The following L3MBTL4 variants were observed in gnomAD, a reference collection of about 807,000 sequenced individuals.
The protein encoded by L3MBTL4 is L3MBTL histone methyl-lysine binding protein 4.
L3MBTL4 carries 70 observed loss-of-function variants against 84.5 expected under a neutral mutation model. The observed-to-expected ratio is 0.83, with a 90% confidence interval of 0.68 to 1.01. The LOEUF (loss-of-function observed/expected upper bound fraction) is 1.01, where lower values mean the gene tolerates loss of function less well. Ranked by LOEUF, L3MBTL4 falls within the 50% of genes least tolerant of loss-of-function variation. The pLI is 0.00. For synonymous variants in L3MBTL4, 274 were observed against 259.8 expected, an observed-to-expected ratio of 1.05 and a Z score of -0.52; for missense variants, 715 against 754.8, an observed-to-expected ratio of 0.95 and a Z score of 0.62.
At chr18:6,310,553 A>G (rs766465642) in intron 3 of L3MBTL4, among the ~76,000 whole-genome samples, 13 of 152,238 alleles carry the variant, frequency 8.5e-5, no homozygotes, top group Non-Finnish European at 1.0e-4. Flanking sequence ...AAGAAAATGT[A>G]TTACATGATG....
intron 4 of L3MBTL4, among the ~76,000 whole-genome samples, chr18:6,295,511 T>G (rs1413273670): frequency 6.6e-6 from 1 of 151,926 alleles, no homozygotes; most frequent in Admixed American, 6.6e-5. Context: ...CAGCACGAAT[T>G]CACCCAAAAG....
chr18:6,305,387 T>A (rs915494384), intron 3 of L3MBTL4, among the ~76,000 whole-genome samples: 2 of 152,242 alleles, frequency 1.3e-5, no homozygotes, highest in African/African-American at 2.4e-5. Context: ...CCTGCTAGCT[T>A]TAACATTCTT....
intron 11 of L3MBTL4, among the ~76,000 whole-genome samples, chr18:6,214,324 T>A (rs1168757218): frequency 6.6e-6 from 1 of 152,016 alleles, no homozygotes; most frequent in East Asian, 1.9e-4. Context: ...GGATTCATAA[T>A]CACGGAGTAA....
chr18:6,381,395 G>A (rs1568581162), intron 1 of L3MBTL4, among the ~76,000 whole-genome samples: 1 of 152,078 alleles, frequency 6.6e-6, no homozygotes, highest in East Asian at 1.9e-4. Context: ...TGGTTATTTT[G>A]CCCATTAGTT....
chr18:6,098,155 C>T (rs1326446134), intron 14 of L3MBTL4, among the ~76,000 whole-genome samples: 1 of 152,184 alleles, frequency 6.6e-6, no homozygotes, highest in African/African-American at 2.4e-5. Context: ...ACTTGATTCC[C>T]ACTTCTCTCT....
At chr18:6,267,169 A>C (rs1364086651) in intron 4 of L3MBTL4, among the ~76,000 whole-genome samples, 1 of 152,192 alleles carries the variant, frequency 6.6e-6, no homozygotes, top group Non-Finnish European at 1.5e-5. Flanking sequence ...ACATCATATC[A>C]ATTTATAGCT....
chr18:6,213,812 T>A (rs2145805673), intron 11 of L3MBTL4, among the ~76,000 whole-genome samples: 1 of 152,336 alleles, frequency 6.6e-6, no homozygotes, highest in Non-Finnish European at 1.5e-5. Context: ...ATTTTAAAGA[T>A]AACTAAAAAG....
intron 1 of L3MBTL4, among the ~76,000 whole-genome samples, chr18:6,315,011 G>A: frequency 6.6e-6 from 1 of 152,080 alleles, no homozygotes; most frequent in Admixed American, 6.6e-5. Context: ...AAATATCCCA[G>A]TTTAAACAAT....
At chr18:6,252,438 C>T (rs113857494) in intron 5 of L3MBTL4, among the ~76,000 whole-genome samples, 4,304 of 151,020 alleles carry the variant, frequency 0.028, 179 homozygotes, top group African/African-American at 0.093. Flanking sequence ...AAAAACACAG[C>T]TATTTACATA....
intron 18 of L3MBTL4, among the ~76,000 whole-genome samples, chr18:5,959,643 C>T (rs995368840): frequency 6.6e-6 from 1 of 152,124 alleles, no homozygotes; most frequent in Non-Finnish European, 1.5e-5. Flanking sequence ...GTAGACAAAT[C>T]CCCAATCTTT....
chr18:6,205,147 A>G (rs1374408566), intron 12 of L3MBTL4, among the ~76,000 whole-genome samples: 1 of 152,178 alleles, frequency 6.6e-6, no homozygotes, highest in African/African-American at 2.4e-5. Context: ...AGCGAGCTCA[A>G]AGAAATTACT....
chr18:6,091,822 T>C (rs16949399), intron 15 of L3MBTL4, among the ~76,000 whole-genome samples: 7,107 of 152,280 alleles, frequency 0.047, 203 homozygotes, highest in South Asian at 0.1. Context: ...ACTAGGTTTT[T>C]ATTTGAAAAA....
intron 1 of L3MBTL4, among the ~76,000 whole-genome samples, chr18:6,399,058 T>C (rs2055400790): frequency 6.6e-6 from 1 of 152,218 alleles, no homozygotes. Context: ...TCCAATGTAC[T>C]TTTCCTATTT....
chr18:6,023,571 G>A (rs951920720), intron 16 of L3MBTL4, among the ~76,000 whole-genome samples: 13 of 152,284 alleles, frequency 8.5e-5, no homozygotes, highest in Admixed American at 7.2e-4. Context: ...CAAGTACCCC[G>A]TTTTGATAAG....
Position 6,301,900 on chromosome 18 carries a change from T to C in L3MBTL4, c.127+3A>G. Reference sequence around the variant, plus strand: ...TACCACTGTAAATATTGGTGATAATTACCGTGACTCAAAGGGGTTGTGCTA... The same window carrying C: ...TACCACTGTAAATATTGGTGATAATCACCGTGACTCAAAGGGGTTGTGCTA... On this transcript the variant is annotated splice_donor_region_variant and intron_variant, in intron 4 of 18. Transcript: ENST00000317931. 6.2e-7 allele frequency: 1 copy of C among 1,609,698 alleles called. No homozygotes were observed. Among genetic ancestry groups the C allele is most frequent in the South Asian group, 1.1e-5 (1 of 91,010 alleles).
At chr18:6,153,157 G>A (rs1448549646) in intron 13 of L3MBTL4, among the ~76,000 whole-genome samples, 5 of 152,130 alleles carry the variant, frequency 3.3e-5, no homozygotes, top group Non-Finnish European at 2.9e-5. Context: ...TGAAATCAGG[G>A]AATGTAATGT....
chr18:6,277,689 A>C (rs2060225090), intron 4 of L3MBTL4, among the ~76,000 whole-genome samples: 3 of 152,156 alleles, frequency 2.0e-5, no homozygotes. Context: ...AGTTTTCTTC[A>C]TATAAGGCCC....
chr18:6,082,378 A>G (rs1289113010), intron 15 of L3MBTL4: 2 of 152,166 alleles, frequency 1.3e-5, no homozygotes. Context: ...AAACTATAGA[A>G]AAGTGGCTTA....
intron 12 of L3MBTL4, among the ~76,000 whole-genome samples, chr18:6,210,631 C>T (rs768604193): frequency 3.9e-5 from 6 of 152,140 alleles, no homozygotes; most frequent in Admixed American, 1.3e-4. Flanking sequence ...GCCCTTAGAA[C>T]AGTGTGTGAC....
Sources: gnomAD v4.1 joint callset for allele counts (sites outside exome capture counted in the v4.1 genomes callset) on GRCh38, gnomAD v4.1.1 for gene constraint, MANE v1.5 for transcripts, NCBI Gene and HGNC (gene_info 2026-07-23, HGNC 2026-07-21) for gene names.